The following SPATS2 variants were observed in gnomAD, a reference collection of about 807,000 sequenced individuals.
SPATS2 encodes the protein spermatogenesis associated serine rich 2, also known as spermatogenesis-associated serine-rich protein 2.
SPATS2 carries 38 observed loss-of-function variants against 63.7 expected under a neutral mutation model. The observed-to-expected ratio is 0.60, with a 90% CI of 0.46 to 0.78. SPATS2 has a LOEUF of 0.78. Among genes scored for constraint, SPATS2 ranks in the 30% least tolerant of loss-of-function variants. SPATS2 has a pLI of 0.00. For missense variants in SPATS2, 588 were observed against 666.2 expected (o/e 0.88, Z 1.29); for synonymous variants, 207 against 232.9 (o/e 0.89, Z 1.01).
chr12:49,455,003 A>G (rs1341263892), intron 2 of SPATS2, among the ~76,000 whole-genome samples: 12 of 152,236 alleles, frequency 7.9e-5, no homozygotes, highest in African/African-American at 2.9e-4. Flanking sequence ...TAAAGTTTCA[A>G]AAGTGCACAC....
At chr12:49,439,698 GA>G (rs1434354611) in intron 2 of SPATS2, among the ~76,000 whole-genome samples, 1 of 152,158 alleles carries the variant, frequency 6.6e-6, no homozygotes, top group Non-Finnish European at 1.5e-5. Context: ...TTCAGGTTTG[GA>G]GACATTCAGT....
At chr12:49,430,099 GTT>G (rs536889902) in intron 2 of SPATS2, among the ~76,000 whole-genome samples, 4 of 98,462 alleles carry the variant, frequency 4.1e-5, no homozygotes, top group Non-Finnish European at 6.0e-5. Context: ...CATATTTCTT[GTT>G]TTTTTTTTTT....
At chr12:49,442,786 T>TAAAAGAAAAAAA (rs1945444239) in intron 2 of SPATS2, 1 of 27,122 alleles carries the variant, frequency 3.7e-5, no homozygotes, top group Non-Finnish European at 9.2e-5. Flanking sequence ...CATGTCTCCT[T>TAAAAGAAAAAAA]AAAAAAAAAA....
intron 2 of SPATS2, chr12:49,389,934 A>G (rs996552286): frequency 2.5e-6 from 2 of 805,878 alleles, no homozygotes; most frequent in African/African-American, 3.4e-5. Context: ...CATGTTGACC[A>G]GATAAATGAA....
chr12:49,375,004 G>A (rs1463060339), intron 2 of SPATS2, among the ~76,000 whole-genome samples: 2 of 150,092 alleles, frequency 1.3e-5, no homozygotes, highest in Non-Finnish European at 3.0e-5. Flanking sequence ...TTGATTGGAG[G>A]TTTTGGGGGA....
chr12:49,431,082 GTCTT>G (rs1945177040), intron 2 of SPATS2, among the ~76,000 whole-genome samples: 1 of 152,100 alleles, frequency 6.6e-6, no homozygotes, highest in Non-Finnish European at 1.5e-5. Flanking sequence ...AGACTGAAAA[GTCTT>G]TCTTACCCTA....
intron 3 of SPATS2, chr12:49,461,307 TAAG>T (rs1945818280): frequency 2.6e-6 from 1 of 386,306 alleles, no homozygotes; most frequent in African/African-American, 2.1e-5. Context: ...GGAGATGTGT[TAAG>T]AGGGCTAGCT....
At chr12:49,422,200 C>T (rs957276050) in intron 2 of SPATS2, among the ~76,000 whole-genome samples, 13 of 152,156 alleles carry the variant, frequency 8.5e-5, no homozygotes, top group African/African-American at 3.1e-4. Context: ...TTTGTAGTTT[C>T]ATGGAGCTAG....
intron 12 of SPATS2, among the ~76,000 whole-genome samples, chr12:49,524,447 T>G (rs928952665): frequency 7.9e-5 from 12 of 152,180 alleles, no homozygotes; most frequent in Non-Finnish European, 1.8e-4. Context: ...GTAACTTTGA[T>G]TTTAACTGTT....
At chr12:49,444,034 G>A (rs1945468991) in intron 2 of SPATS2, among the ~76,000 whole-genome samples, 1 of 152,144 alleles carries the variant, frequency 6.6e-6, no homozygotes, top group African/African-American at 2.4e-5. Context: ...AATTTTAATA[G>A]GGACTGTATT....
At chr12:49,470,273 C>A (rs1946012061) in intron 3 of SPATS2, among the ~76,000 whole-genome samples, 1 of 152,104 alleles carries the variant, frequency 6.6e-6, no homozygotes, top group Admixed American at 6.6e-5. Flanking sequence ...CTCAGGAGAT[C>A]CTCCTGCCTT....
chr12:49,494,900 G>A lies in SPATS2; in HGVS notation c.424G>A (p.Glu142Lys). ...TGTCAATGGTGCCATCAATGACACT[G>A]AGTCTGTGGACTCACTCAGTGAAGG... is the stretch of plus-strand genomic sequence containing the variant. ...YHVNGAINDTESVDSLSEGLE... is the reference protein window; with the variant it reads ...YHVNGAINDTKSVDSLSEGLE... Residue 142 changes from glutamate to lysine, a missense_variant, in exon 7 of 14, where the codon GAG becomes AAG. Glu to Lys is a moderately conservative substitution (Grantham distance 56, BLOSUM62 1). Transcript: ENST00000552918. 6.2e-7 allele frequency: 1 copy of A among 1,614,036 alleles called. No individual in the cohort carries two copies. Among genetic ancestry groups the A allele is most frequent in the Non-Finnish European group, 8.5e-7 (1 of 1,180,030 alleles).
chr12:49,501,710 G>A (rs371527868), intron 9 of SPATS2, among the ~76,000 whole-genome samples: 1 of 152,158 alleles, frequency 6.6e-6, no homozygotes, highest in Non-Finnish European at 1.5e-5. Context: ...CGCCTCCCAG[G>A]TTGCAGCCAT....
intron 2 of SPATS2, among the ~76,000 whole-genome samples, chr12:49,425,796 A>AT (rs1945065127): frequency 6.6e-6 from 1 of 151,020 alleles, no homozygotes; most frequent in South Asian, 2.1e-4. Context: ...TACCCAGCTA[A>AT]TTTTTTTGTA....
intron 3 of SPATS2, among the ~76,000 whole-genome samples, chr12:49,461,649 C>T (rs1945824402): frequency 6.6e-6 from 1 of 152,178 alleles, no homozygotes; most frequent in Non-Finnish European, 1.5e-5. Context: ...TCATAGATAT[C>T]TTGGCGTTTT....
intron 2 of SPATS2, among the ~76,000 whole-genome samples, chr12:49,459,480 C>T (rs1945780001): frequency 6.6e-6 from 1 of 151,982 alleles, no homozygotes; most frequent in Non-Finnish European, 1.5e-5. Context: ...TCCTGAGTAG[C>T]TGAGATTACA....
chr12:49,484,817 A>G (rs953454700), intron 4 of SPATS2, 148 bp downstream of exon 4: 1 of 652,252 alleles, frequency 1.5e-6, no homozygotes, highest in Non-Finnish European at 2.6e-6. Flanking sequence ...ACGGCCATAA[A>G]TAGGTTCTGA....
chr12:49,386,072 T>C lies in SPATS2; in HGVS notation c.-244+14782T>C, dbSNP rs967753814. On this transcript the variant is annotated intron_variant, in intron 2 of 13. Transcript: ENST00000552918. ...TTAGTAGAGTCGGGGTTTCACCATG[T>C]TGGCCAGGCTGGTCTCAAACTCCTG... Among the ~76,000 whole-genome samples the C allele has an allele frequency of 2.4e-4, 36 of 152,014 alleles. 1 individual carries two copies. Among genetic ancestry groups the C allele is most frequent in the African/African-American group, 8.7e-4 (36 of 41,338 alleles).
intron 2 of SPATS2, among the ~76,000 whole-genome samples, chr12:49,387,305 C>T (rs1189488887): frequency 2.6e-5 from 4 of 151,258 alleles, no homozygotes; most frequent in African/African-American, 4.9e-5. Context: ...CACATGGAGA[C>T]GGAACTAGAG....
Sources: allele counts gnomAD v4.1 joint callset (sites outside exome capture counted in the v4.1 genomes callset), GRCh38; gene constraint gnomAD v4.1.1; transcripts MANE v1.5; gene names NCBI Gene and HGNC (gene_info 2026-07-23, HGNC 2026-07-21).